Variants in PECAM1 observed in about 807,000 individuals in gnomAD.
PECAM1 encodes the protein platelet and endothelial cell adhesion molecule 1.
In PECAM1, 8 loss-of-function variants were observed where a neutral mutation model predicts 13.8. The ratio of observed to expected loss-of-function variants is 0.58; its 90% CI spans 0.34 to 1.05. The LOEUF (loss-of-function observed/expected upper bound fraction) is 1.05, where lower values mean the gene tolerates loss of function less well. Ranked by LOEUF, PECAM1 falls within the 50% of genes least tolerant of loss-of-function variation. PECAM1 has a pLI of 0.03. For synonymous variants in PECAM1, 136 were observed against 52.6 expected (o/e 2.58, Z -6.86); for missense variants, 304 against 141.2 (o/e 2.15, Z -5.84).
At chr17:64,383,704 T>TA (rs1172645120) in intron 2 of PECAM1, among the ~76,000 whole-genome samples, 2 of 152,186 alleles carry the variant, frequency 1.3e-5, no homozygotes, top group Non-Finnish European at 2.9e-5. Context: ...CCTCCCTTTT[T>TA]AAAAAACAAT....
intron 9 of PECAM1, among the ~76,000 whole-genome samples, chr17:64,353,745 T>C (rs1171642288): frequency 6.6e-6 from 1 of 152,126 alleles, no homozygotes; most frequent in African/African-American, 2.4e-5. Context: ...AAGCCAAATA[T>C]ATTCACTCTT....
intron 14 of PECAM1, among the ~76,000 whole-genome samples, chr17:64,335,045 G>A (rs889000202): frequency 6.6e-6 from 1 of 152,226 alleles, no homozygotes; most frequent in South Asian, 2.1e-4. Context: ...CAGCAGCTGC[G>A]TGTGGACACC....
intron 5 of PECAM1, among the ~76,000 whole-genome samples, chr17:64,369,030 G>A (rs1293000995): frequency 2.8e-4 from 35 of 125,990 alleles, no homozygotes; most frequent in African/African-American, 8.7e-4. Flanking sequence ...TCTGCCTCCC[G>A]GGTTCAAGAG....
intron 13 of PECAM1, among the ~76,000 whole-genome samples, chr17:64,344,414 G>C (rs1219394545): frequency 6.6e-6 from 1 of 152,102 alleles, no homozygotes; most frequent in Admixed American, 6.5e-5. Context: ...GTTTTTCTCT[G>C]TGTTAACAGA....
chr17:64,349,768 CCA>C (rs1298297664), intron 12 of PECAM1, among the ~76,000 whole-genome samples: 62 of 151,820 alleles, frequency 4.1e-4, no homozygotes, highest in African/African-American at 1.5e-3. Flanking sequence ...GCCTGTAGTC[CCA>C]GTTACTTGGG....
At chr17:64,327,386 T>A (rs1197349881) in intron 15 of PECAM1, among the ~76,000 whole-genome samples, 3 of 152,156 alleles carry the variant, frequency 2.0e-5, no homozygotes, top group Non-Finnish European at 4.4e-5. Context: ...CATCTCCACT[T>A]TATAGATAAG....
In PECAM1 at chr17:64,347,542, AAAATAT is replaced by A. The variant is rs1161122249; in HGVS notation, c.2107+712_2107+717del. ...AGACTCCGTCTCAACAAAGAAAAAA[AAAATAT>A]ATATATATATATAAAATAAAAAATA... On this transcript the variant is annotated intron_variant, in intron 13 of 15. Transcript: ENST00000563924. 4.5e-3 allele frequency among the ~76,000 whole-genome samples: 572 copies of A among 127,914 alleles called. 7 individuals carry two copies. Among genetic ancestry groups the A allele is most frequent in the African/African-American group, 0.022 (532 of 23,828 alleles). 83.9% of individuals were successfully genotyped at this position (127,914 alleles called of 152,430 possible). A position where few individuals can be genotyped will look rare whatever the true frequency, so the allele number is the denominator to read the frequency against.
At chr17:64,336,876 AAAAG>A (rs1400584844) in intron 14 of PECAM1, among the ~76,000 whole-genome samples, 1 of 117,430 alleles carries the variant, frequency 8.5e-6, no homozygotes, top group Non-Finnish European at 2.0e-5. Flanking sequence ...GAAAGAAAAG[AAAAG>A]AAAGAAGGAA....
At chr17:64,369,330 A>G (rs1436478565) in intron 5 of PECAM1, among the ~76,000 whole-genome samples, 1 of 152,160 alleles carries the variant, frequency 6.6e-6, no homozygotes, top group Non-Finnish European at 1.5e-5. Context: ...GTCACAGGGG[A>G]TGGAGAAATA....
At chr17:64,388,313 C>T (rs73345170) in intron 2 of PECAM1, among the ~76,000 whole-genome samples, 8 of 151,612 alleles carry the variant, frequency 5.3e-5, no homozygotes, top group Admixed American at 1.3e-4. Flanking sequence ...TGGGAGGGTA[C>T]GAGGGCTGGA....
In PECAM1 at chr17:64,323,136, G is replaced by T; in HGVS notation, c.*680C>A. 1 of 985,740 alleles carries T rather than the reference G, an allele frequency of 1.0e-6. No homozygotes were observed. Among genetic ancestry groups the T allele is most frequent in the Non-Finnish European group, 1.2e-6 (1 of 830,152 alleles). 61.1% of individuals were successfully genotyped at this position (985,740 alleles called of 1,614,324 possible). On this transcript the variant is annotated 3_prime_UTR_variant, in exon 16 of 16. Transcript: ENST00000563924. ...TCAGCATGGTAGAGGAAAAGAGAAA[G>T]AGTGTAGACAAAAACAGTTGAAGAA...
chr17:64,320,963 A>G lies in PECAM1; in HGVS notation c.*2853T>C, dbSNP rs1448889205. 1 of 152,204 alleles carries G rather than the reference A, an allele frequency of 6.6e-6. No homozygotes were observed. The highest frequency in any genetic ancestry group is 1.5e-5 in the Non-Finnish European group (1 of 68,054). The allele number at this position is 152,204 out of a possible 1,614,324, so 9.4% of individuals were successfully genotyped here. A position where few individuals can be genotyped will look rare whatever the true frequency, so the allele number is the denominator to read the frequency against. ...AGCTGTGACAACCAAAAATGTCTCC[A>G]GACACCATTCCAAAACCAGCGGGAG... On this transcript the variant is annotated 3_prime_UTR_variant, in exon 16 of 16. Transcript: ENST00000563924.
chr17:64,353,938 CTCTTT>C (rs1291057769), intron 9 of PECAM1, among the ~76,000 whole-genome samples: 2 of 102,002 alleles, frequency 2.0e-5, no homozygotes, highest in Non-Finnish European at 4.3e-5. Context: ...TCCTCTCTCT[CTCTTT>C]TTTTTTTTTT....
At position 64,321,928 on chromosome 17, in the gene PECAM1, G is replaced by A. The variant is rs782275289; in HGVS notation, c.*1888C>T. On this transcript the variant is annotated 3_prime_UTR_variant, in exon 16 of 16. Coordinates refer to ENST00000563924, the MANE Select transcript of PECAM1 (RefSeq NM_000442.5). ...TCTGGCTGTCCCCAGATCATCAACA[G>A]AGACATGAAGGTCGTTAGAGGTCGT... 19 of 1,332,160 alleles carry A rather than the reference G, an allele frequency of 1.4e-5. No individual in the cohort carries two copies. The highest frequency in any genetic ancestry group is 5.7e-5 in the South Asian group (5 of 87,552). 82.5% of individuals were successfully genotyped at this position (1,332,160 alleles called of 1,614,324 possible).
At chr17:64,381,412 A>G (rs7212459) in intron 2 of PECAM1, among the ~76,000 whole-genome samples, 14,140 of 152,068 alleles carry the variant, frequency 0.093, 2,212 homozygotes, top group African/African-American at 0.32. Context: ...ATTGTATCTC[A>G]TTGAACAATA....
rs2034875528 is a variant in PECAM1, at chr17:64,324,022, C to T, written c.2188-177G>A. The T allele has an allele frequency of 7.0e-6, 6 of 863,164 alleles. No individual in the cohort carries two copies. The East Asian group carries it at 1.5e-4, about 21-fold the overall frequency. 53.5% of individuals were successfully genotyped at this position (863,164 alleles called of 1,614,324 possible). ...TGTGACTTCAGAGGCCCAAGGAGTC[C>T]TCAGCACTACAGATACACGTGGCCC... On this transcript the variant is annotated intron_variant, in intron 15 of 15. Transcript: ENST00000563924.
intron 3 of PECAM1, among the ~76,000 whole-genome samples, chr17:64,376,238 GA>G (rs1441552542): frequency 6.6e-6 from 1 of 152,128 alleles, no homozygotes; most frequent in Non-Finnish European, 1.5e-5. Flanking sequence ...CCCGAAGGCA[GA>G]GGTTGCAGTG....
At chr17:64,369,209 C>A (rs1429239405) in intron 5 of PECAM1, among the ~76,000 whole-genome samples, 2 of 152,100 alleles carry the variant, frequency 1.3e-5, no homozygotes, top group Non-Finnish European at 2.9e-5. Flanking sequence ...CCTGGGATTA[C>A]AGACGTGAGC....
chr17:64,363,513 CAA>C (rs1461626136), intron 5 of PECAM1, 116 bp from the exon 6 acceptor site: 2 of 464,924 alleles, frequency 4.3e-6, no homozygotes, highest in African/African-American at 2.0e-5. Context: ...CAACTTCCAG[CAA>C]AAAGTTTTCC....
Sources: allele counts gnomAD v4.1 joint callset (sites outside exome capture counted in the v4.1 genomes callset), GRCh38; gene constraint gnomAD v4.1.1; transcripts MANE v1.5; gene names NCBI Gene and HGNC (gene_info 2026-07-23, HGNC 2026-07-21).